Variants in RBFOX1 observed in about 807,000 individuals in gnomAD.
The protein encoded by RBFOX1 is RNA binding protein fox-1 homolog 1.
In RBFOX1, 8 loss-of-function variants were observed where a neutral mutation model predicts 57.7. That is an observed-to-expected ratio of 0.14 (90% CI 0.08 to 0.25). The LOEUF (loss-of-function observed/expected upper bound fraction) is 0.25, where lower values mean the gene tolerates loss of function less well. Ranked by LOEUF, RBFOX1 falls within the 10% of genes least tolerant of loss-of-function variation. RBFOX1 has a pLI of 1.00. For synonymous variants in RBFOX1, 326 were observed against 222.4 expected (o/e 1.47, Z -4.15); for missense variants, 611 against 548.5 (o/e 1.11, Z -1.14).
At chr16:6,159,944 A>G (rs544082162) in intron 1 of RBFOX1, among the ~76,000 whole-genome samples, 44 of 152,292 alleles carry the variant, frequency 2.9e-4, no homozygotes, top group Admixed American at 5.2e-4. Context: ...TAACTGTGAG[A>G]CATAGTAGCC....
At chr16:6,798,795 G>T (rs1304283471) in intron 3 of RBFOX1, among the ~76,000 whole-genome samples, 2 of 152,180 alleles carry the variant, frequency 1.3e-5, no homozygotes, top group Non-Finnish European at 2.9e-5. Flanking sequence ...TGGCACCATA[G>T]TTTATTGAGC....
intron 3 of RBFOX1, among the ~76,000 whole-genome samples, chr16:5,661,958 T>G (rs1029337087): frequency 4.6e-5 from 7 of 152,174 alleles, no homozygotes; most frequent in South Asian, 2.1e-4. Flanking sequence ...GCTAATTTTT[T>G]GTATTTTTTT....
At chr16:7,698,871 C>T (rs1018340139) in intron 14 of RBFOX1, among the ~76,000 whole-genome samples, 3 of 152,166 alleles carry the variant, frequency 2.0e-5, no homozygotes, top group African/African-American at 4.8e-5. Context: ...TAACAATACC[C>T]TATAAAGTGT....
At chr16:7,234,823 C>T (rs1309165494) in intron 4 of RBFOX1, among the ~76,000 whole-genome samples, 3 of 151,804 alleles carry the variant, frequency 2.0e-5, no homozygotes, top group African/African-American at 4.8e-5. Flanking sequence ...TGCAAGGCAC[C>T]CCATTTTTGG....
intron 4 of RBFOX1, among the ~76,000 whole-genome samples, chr16:7,398,082 G>T (rs1411536975): frequency 6.6e-6 from 1 of 152,058 alleles, no homozygotes; most frequent in African/African-American, 2.4e-5. Context: ...TATTTCCTGG[G>T]TTGTTCATGA....
intron 4 of RBFOX1, among the ~76,000 whole-genome samples, chr16:7,269,628 G>C (rs1022112093): frequency 6.6e-6 from 1 of 152,076 alleles, no homozygotes; most frequent in Admixed American, 6.5e-5. Context: ...ATAATGTTCT[G>C]TTGTACCAAA....
At chr16:5,290,326 C>T (rs1243414176) in intron 1 of RBFOX1, among the ~76,000 whole-genome samples, 1 of 152,130 alleles carries the variant, frequency 6.6e-6, no homozygotes, top group African/African-American at 2.4e-5. Context: ...TGTGCCACTG[C>T]ACTCCAGCCT....
At chr16:7,659,619 T>C (rs1394130644) in intron 12 of RBFOX1, among the ~76,000 whole-genome samples, 1 of 152,176 alleles carries the variant, frequency 6.6e-6, no homozygotes, top group Non-Finnish European at 1.5e-5. Flanking sequence ...AATCTCATAA[T>C]GTTTTAAGAA....
At chr16:7,426,379 A>T (rs2098612473) in intron 4 of RBFOX1, among the ~76,000 whole-genome samples, 1 of 152,120 alleles carries the variant, frequency 6.6e-6, no homozygotes, top group South Asian at 2.1e-4. Flanking sequence ...TGGGGGCACC[A>T]TGGGCACAGG....
intron 4 of RBFOX1, among the ~76,000 whole-genome samples, chr16:7,504,754 T>TA (rs2072472030): frequency 5.3e-4 from 3 of 5,642 alleles, no homozygotes; most frequent in East Asian, 3.4e-3. Flanking sequence ...TATATATATA[T>TA]TTATATATAT....
At chr16:6,114,149 C>T (rs1477891453) in intron 1 of RBFOX1, among the ~76,000 whole-genome samples, 1 of 152,144 alleles carries the variant, frequency 6.6e-6, no homozygotes, top group Non-Finnish European at 1.5e-5. Flanking sequence ...TGTGTTATTA[C>T]AGAATGATCT....
chr16:7,495,651 A>AT (rs1390060970), intron 4 of RBFOX1, among the ~76,000 whole-genome samples: 2 of 152,038 alleles, frequency 1.3e-5, no homozygotes, highest in African/African-American at 4.8e-5. Context: ...ACCTTTGTCC[A>AT]TTTTTTTGCA....
At chr16:7,064,476 G>A (rs1448262783) in intron 4 of RBFOX1, among the ~76,000 whole-genome samples, 1 of 151,964 alleles carries the variant, frequency 6.6e-6, no homozygotes, top group East Asian at 1.9e-4. Flanking sequence ...GCTGGGTGGT[G>A]TTCTTATAAG....
intron 3 of RBFOX1, among the ~76,000 whole-genome samples, chr16:6,816,340 A>G (rs2090061585): frequency 6.6e-6 from 1 of 151,974 alleles, no homozygotes. Flanking sequence ...TCATTGTGTC[A>G]TGTCTGCCTG....
intron 4 of RBFOX1, among the ~76,000 whole-genome samples, chr16:5,996,415 C>G (rs925932353): frequency 6.6e-6 from 1 of 151,336 alleles, no homozygotes; most frequent in Non-Finnish European, 1.5e-5. Context: ...ACTGGCTTTG[C>G]AATCTGGTTG....
intron 3 of RBFOX1, among the ~76,000 whole-genome samples, chr16:6,784,758 C>T (rs1293775537): frequency 2.0e-5 from 3 of 151,284 alleles, no homozygotes; most frequent in Admixed American, 1.3e-4. Flanking sequence ...TTCCTGTGGT[C>T]GGGGGTTGTG....
At chr16:5,768,514 G>C (rs1222539054) in intron 3 of RBFOX1, among the ~76,000 whole-genome samples, 1 of 152,202 alleles carries the variant, frequency 6.6e-6, no homozygotes, top group Non-Finnish European at 1.5e-5. Context: ...GGTGCAAAAT[G>C]CAGAATACCA....
intron 1 of RBFOX1, among the ~76,000 whole-genome samples, chr16:5,372,599 G>A (rs1211586610): frequency 6.6e-6 from 1 of 152,144 alleles, no homozygotes; most frequent in South Asian, 2.1e-4. Context: ...GACTGCCCCT[G>A]TGGGGAGCAG....
intron 2 of RBFOX1, among the ~76,000 whole-genome samples, chr16:5,470,599 A>G (rs2069102778): frequency 6.6e-6 from 1 of 152,138 alleles, no homozygotes; most frequent in Non-Finnish European, 1.5e-5. Flanking sequence ...GAGCCATATG[A>G]TAACCCATCA....
Sources: gnomAD v4.1 joint callset for allele counts (sites outside exome capture counted in the v4.1 genomes callset) on GRCh38, gnomAD v4.1.1 for gene constraint, MANE v1.5 for transcripts, NCBI Gene and HGNC (gene_info 2026-07-23, HGNC 2026-07-21) for gene names.